KCNH7: variants seen among roughly 807,000 people sequenced by gnomAD.
KCNH7 encodes potassium voltage-gated channel subfamily H member 7.
A neutral mutation model predicts 120.8 loss-of-function variants in KCNH7; 49 were observed. The ratio of observed to expected loss-of-function variants is 0.41; its 90% CI spans 0.32 to 0.51. The LOEUF is 0.51. Among genes scored for constraint, KCNH7 ranks in the 20% least tolerant of loss-of-function variants. The pLI is 0.38. For missense variants in KCNH7, 1,097 were observed against 1,446.6 expected (o/e 0.76, Z 3.92); for synonymous variants, 547 against 516.1 (o/e 1.06, Z -0.81).
Position 162,838,550 on chromosome 2 carries a change from C to T in KCNH7, c.-32G>A, listed in dbSNP as rs1309365466. On this transcript the variant is annotated 5_prime_UTR_variant, in exon 1 of 16. Coordinates refer to ENST00000332142, the MANE Select transcript of KCNH7 (RefSeq NM_033272.4). ...CCCGGTCTTCCGAGGAGCGCTCCCC[C>T]GGAGCTCTGGAGTTCTCCCGGGATC... 3 of 1,578,594 alleles carry T rather than the reference C, an allele frequency of 1.9e-6. No homozygotes were observed. In the African/African-American group the frequency reaches 4.0e-5, roughly 21 times the overall value.
At chr2:162,400,980 G>A (rs1002893127) in intron 9 of KCNH7, among the ~76,000 whole-genome samples, 1 of 151,864 alleles carries the variant, frequency 6.6e-6, no homozygotes, top group African/African-American at 2.4e-5. Context: ...GAATATTTAT[G>A]TTTCATATGC....
chr2:162,451,261 C>T (rs1558952044), intron 6 of KCNH7, among the ~76,000 whole-genome samples: 1 of 152,024 alleles, frequency 6.6e-6, no homozygotes, highest in Admixed American at 6.6e-5. Context: ...GAAATGTTTA[C>T]AGATGCATAA....
At chr2:162,833,178 T>G (rs1008541662) in intron 2 of KCNH7, among the ~76,000 whole-genome samples, 16 of 152,114 alleles carry the variant, frequency 1.1e-4, no homozygotes, top group Non-Finnish European at 2.4e-4. Context: ...CAAAGTCACA[T>G]TTGTAAATAT....
At chr2:162,686,868 A>G (rs1479429336) in intron 2 of KCNH7, among the ~76,000 whole-genome samples, 1 of 152,118 alleles carries the variant, frequency 6.6e-6, no homozygotes, top group Non-Finnish European at 1.5e-5. Context: ...TGCTTCATTG[A>G]AGATGAACAA....
chr2:162,554,585 T>G (rs1440026582), intron 2 of KCNH7, among the ~76,000 whole-genome samples: 2 of 152,146 alleles, frequency 1.3e-5, no homozygotes, highest in Non-Finnish European at 2.9e-5. Context: ...TGGTTCATTG[T>G]CCCTTCCTCC....
At chr2:162,511,701 T>A (rs1691082067) in intron 5 of KCNH7, among the ~76,000 whole-genome samples, 1 of 151,694 alleles carries the variant, frequency 6.6e-6, no homozygotes, top group South Asian at 2.1e-4. Flanking sequence ...CAGCTCTGAA[T>A]TATTTTAGGG....
chr2:162,791,769 T>C (rs1186669382), intron 2 of KCNH7, among the ~76,000 whole-genome samples: 1 of 152,156 alleles, frequency 6.6e-6, no homozygotes, highest in Non-Finnish European at 1.5e-5. Flanking sequence ...GGATGTCCTT[T>C]ACTTCTTTCC....
chr2:162,431,719 C>A (rs975043077), intron 8 of KCNH7, among the ~76,000 whole-genome samples: 1 of 151,438 alleles, frequency 6.6e-6, no homozygotes, highest in African/African-American at 2.4e-5. Flanking sequence ...AGAGTGTTTT[C>A]TTTTTTCTTG....
In KCNH7 at chr2:162,508,440, T is replaced by C. The variant is rs932427065; in HGVS notation, c.914-3783A>G. 2.6e-5 allele frequency among the ~76,000 whole-genome samples: 4 copies of C among 151,516 alleles called. No individual in the cohort carries two copies. The Admixed American group carries it at 2.6e-4, about 10-fold the overall frequency. ...ACTTAAAATAACTTGTGCAAGCTAC[T>C]TAGATAAGGCATTTAAAATTTATTT... On this transcript the variant is annotated intron_variant, in intron 5 of 15. Transcript: ENST00000332142.
intron 2 of KCNH7, among the ~76,000 whole-genome samples, chr2:162,683,306 G>A (rs1382123769): frequency 6.6e-6 from 1 of 151,702 alleles, no homozygotes; most frequent in Non-Finnish European, 1.5e-5. Flanking sequence ...TATTCAGAGA[G>A]GGTTTAGATA....
At position 162,548,049 on chromosome 2, in the gene KCNH7, A is replaced by G. The variant is rs187884813; in HGVS notation, c.308-10969T>C. On this transcript the variant is annotated intron_variant, in intron 2 of 15. Coordinates refer to ENST00000332142, the MANE Select transcript of KCNH7 (RefSeq NM_033272.4). ...ATTTTAGCCCTCTCCTCTTCTCACA[A>G]AAGTTCATATTCTGTTGGACTATTT... Among the ~76,000 whole-genome samples the G allele has an allele frequency of 3.5e-4, 53 of 152,288 alleles. No homozygotes were observed. In the East Asian group the frequency reaches 9.3e-3, roughly 27 times the overall value.
At chr2:162,694,847 G>A (rs530087526) in intron 2 of KCNH7, among the ~76,000 whole-genome samples, 1 of 151,822 alleles carries the variant, frequency 6.6e-6, no homozygotes, top group Non-Finnish European at 1.5e-5. Flanking sequence ...GGGTTCAAGC[G>A]ATTCTCCTGT....
At chr2:162,700,993 G>A (rs1686475413) in intron 2 of KCNH7, among the ~76,000 whole-genome samples, 1 of 152,144 alleles carries the variant, frequency 6.6e-6, no homozygotes, top group Non-Finnish European at 1.5e-5. Flanking sequence ...CAGGGCACTG[G>A]TTTCATAACT....
At position 162,376,482 on chromosome 2, in the gene KCNH7, A is replaced by T. The variant is rs570617971; in HGVS notation, c.3132-2820T>A. Among the ~76,000 whole-genome samples, 14 of 151,370 alleles carry T rather than the reference A, an allele frequency of 9.2e-5. No individual in the cohort carries two copies. In the South Asian group the frequency reaches 2.9e-3, roughly 32 times the overall value. ...CCGGGTTCAAGCAATTCTCTGCCTC[A>T]GCCTCCTGAGTAGCTGGCATTACAG... On this transcript the variant is annotated intron_variant, in intron 14 of 15. Coordinates refer to ENST00000332142, the MANE Select transcript of KCNH7 (RefSeq NM_033272.4).
chr2:162,670,203 T>C (rs1005357267), intron 2 of KCNH7, among the ~76,000 whole-genome samples: 6 of 151,938 alleles, frequency 3.9e-5, no homozygotes, highest in Non-Finnish European at 5.9e-5. Context: ...TCAGGCATGG[T>C]AGCTCATGCC....
chr2:162,493,137 TG>T (rs1690379377), intron 6 of KCNH7, among the ~76,000 whole-genome samples: 1 of 152,142 alleles, frequency 6.6e-6, no homozygotes, highest in African/African-American at 2.4e-5. Context: ...GCCTGCTTTT[TG>T]GCCTGGGAAA....
At chr2:162,573,825 T>C (rs1052018138) in intron 2 of KCNH7, among the ~76,000 whole-genome samples, 4 of 151,998 alleles carry the variant, frequency 2.6e-5, no homozygotes, top group Admixed American at 1.3e-4. Context: ...AGCTTCTAAT[T>C]TTCAACTTTT....
intron 8 of KCNH7, among the ~76,000 whole-genome samples, chr2:162,434,164 G>A (rs968778382): frequency 1.3e-5 from 2 of 152,032 alleles, no homozygotes; most frequent in Non-Finnish European, 2.9e-5. Context: ...TCACTTATAA[G>A]TGGAGGCTAA....
At chr2:162,388,026 A>G (rs888266898) in intron 12 of KCNH7, among the ~76,000 whole-genome samples, 1 of 151,778 alleles carries the variant, frequency 6.6e-6, no homozygotes, top group Non-Finnish European at 1.5e-5. Context: ...TAAGTTGAGC[A>G]ATTCCCAGCC....
Sources: allele counts gnomAD v4.1 joint callset (sites outside exome capture counted in the v4.1 genomes callset), GRCh38; gene constraint gnomAD v4.1.1; transcripts MANE v1.5; gene names NCBI Gene and HGNC (gene_info 2026-07-23, HGNC 2026-07-21).